The following LINGO1 variants were observed in gnomAD, a reference collection of about 807,000 sequenced individuals.
The protein encoded by LINGO1 is leucine rich repeat and Ig domain containing 1, also known as leucine-rich repeat and immunoglobulin-like domain-containing nogo receptor-interacting protein 1.
Under a neutral mutation model 37.3 loss-of-function variants are expected in LINGO1, and 11 were observed. The ratio of observed to expected loss-of-function variants is 0.29; its 90% CI spans 0.19 to 0.49. The LOEUF is 0.49. Among genes scored for constraint, LINGO1 ranks in the 20% least tolerant of loss-of-function variants. The pLI, the probability that LINGO1 is intolerant of heterozygous loss-of-function variation, is 0.99. For synonymous variants in LINGO1, 387 were observed against 403.0 expected (o/e 0.96, Z 0.48); for missense variants, 585 against 878.2 (o/e 0.67, Z 4.22).
At chr15:77,631,661 T>C (rs2074257686) in intron 1 of LINGO1, among the ~76,000 whole-genome samples, 1 of 152,140 alleles carries the variant, frequency 6.6e-6, no homozygotes, top group African/African-American at 2.4e-5. Flanking sequence ...GAATGAAAAG[T>C]GGGGCAAGAG....
chr15:77,723,627 G>C lies in LINGO1; in HGVS notation c.-195+11365C>G, dbSNP rs553653702. 3.9e-5 allele frequency among the ~76,000 whole-genome samples: 6 copies of C among 152,268 alleles called. No homozygotes were observed. The South Asian group carries it at 1.2e-3, about 32-fold the overall frequency. ...ACAAGTGAGTGCACAGCCAAGTCCT[G>C]GACCCGGGCCCCACCCTAGTCCAGG... On this transcript the variant is annotated intron_variant, in intron 2 of 3. Transcript: ENST00000561686.
intron 1 of LINGO1, among the ~76,000 whole-genome samples, chr15:77,748,607 G>A (rs1045570656): frequency 2.6e-5 from 4 of 152,326 alleles, no homozygotes; most frequent in African/African-American, 4.8e-5. Flanking sequence ...GGAGGAAGGC[G>A]GGCCCCTGCC....
At chr15:77,708,632 C>T (rs1189927300) in intron 2 of LINGO1, among the ~76,000 whole-genome samples, 5 of 152,294 alleles carry the variant, frequency 3.3e-5, no homozygotes, top group South Asian at 2.1e-4. Flanking sequence ...TGGCCGGGCG[C>T]GGTGGCTCAT....
rs550360393 is a variant in LINGO1, at chr15:77,644,104, C to T, written c.-12-28204G>A. Reference sequence around the variant, plus strand: ...AATCTAGCTGGGGCAGCGGCATCTGCTTTGCGAATGTATCTACGCTGGGGA... The same window carrying T: ...AATCTAGCTGGGGCAGCGGCATCTGTTTTGCGAATGTATCTACGCTGGGGA... On this transcript the variant is annotated intron_variant, in intron 3 of 3. Coordinates refer to the LINGO1 transcript ENST00000559893. Among the ~76,000 whole-genome samples the T allele has an allele frequency of 2.2e-4, 33 of 152,356 alleles. 1 individual carries two copies. Among genetic ancestry groups the T allele is most frequent in the African/African-American group, 7.9e-4 (33 of 41,576 alleles).
At chr15:77,765,278 G>A (rs1314512514) in intron 1 of LINGO1, among the ~76,000 whole-genome samples, 1 of 152,058 alleles carries the variant, frequency 6.6e-6, no homozygotes, top group Non-Finnish European at 1.5e-5. Context: ...AGCCAGCTGC[G>A]GCGGTGCACA....
intron 1 of LINGO1, among the ~76,000 whole-genome samples, chr15:77,781,522 A>G (rs2076716638): frequency 6.6e-6 from 1 of 152,266 alleles, no homozygotes; most frequent in South Asian, 2.1e-4. Context: ...GGATTTCAGA[A>G]GCAGGCCAAG....
intron 1 of LINGO1, among the ~76,000 whole-genome samples, chr15:77,618,455 AG>A (rs2073803535): frequency 6.6e-6 from 1 of 151,590 alleles, no homozygotes; most frequent in South Asian, 2.1e-4. Flanking sequence ...TCCACCCCAA[AG>A]GCCACCTCCT....
At position 77,613,899 on chromosome 15, in the gene LINGO1, G is replaced by T; in HGVS notation, c.*145C>A. 1 of 721,428 alleles carries T rather than the reference G, an allele frequency of 1.4e-6. No individual in the cohort carries two copies. The highest frequency in any genetic ancestry group is 2.2e-6 in the Non-Finnish European group (1 of 447,486). The allele number at this position is 721,428 out of a possible 1,614,324, so 44.7% of individuals were successfully genotyped here. A position where few individuals can be genotyped will look rare whatever the true frequency, so the allele number is the denominator to read the frequency against. Reference sequence around the variant, plus strand: ...GGCAGGTGGTGAGGGCTGGCGGGGGGCAGCAGGGGACGGAGGCGGGAGGGA... The same window carrying T: ...GGCAGGTGGTGAGGGCTGGCGGGGGTCAGCAGGGGACGGAGGCGGGAGGGA... On this transcript the variant is annotated 3_prime_UTR_variant, in exon 2 of 2. Coordinates refer to ENST00000355300, the MANE Select transcript of LINGO1 (RefSeq NM_032808.7).
chr15:77,661,522 C>T (rs545074376), intron 3 of LINGO1, among the ~76,000 whole-genome samples: 35 of 152,234 alleles, frequency 2.3e-4, no homozygotes, highest in Non-Finnish European at 3.7e-4. Flanking sequence ...ATGACAGTGC[C>T]TTGCCAGTTC....
intron 2 of LINGO1, among the ~76,000 whole-genome samples, chr15:77,681,147 C>T (rs541116900): frequency 6.6e-6 from 1 of 152,214 alleles, no homozygotes; most frequent in South Asian, 2.1e-4. Flanking sequence ...CTGCTCCATT[C>T]TTTGCCTCGA....
rs142643685 is a variant in LINGO1 at position 77,815,394 on chromosome 15, G to A, written c.-458+4864C>T. 6.0e-3 allele frequency among the ~76,000 whole-genome samples: 859 copies of A among 143,744 alleles called. 7 individuals carry two copies. The highest frequency in any genetic ancestry group is 0.021 in the African/African-American group (805 of 39,104). 94.3% of individuals were successfully genotyped at this position (143,744 alleles called of 152,430 possible). A position where few individuals can be genotyped will look rare whatever the true frequency, so the allele number is the denominator to read the frequency against. ...GTGACCTTGTGCTAGCCACTGCCCC[G>A]CTCTAGGCCTCAAGCTCTTCCTCTA... On this transcript the variant is annotated intron_variant, in intron 1 of 5. Transcript: ENST00000562933.
rs931274723 is a variant in LINGO1 at position 77,770,297 on chromosome 15, G to A, written c.-257+16572C>T. On this transcript the variant is annotated intron_variant, in intron 1 of 3. Transcript: ENST00000561686. ...TGGATTGTTGCTACCACTTAAAGAT[G>A]TGGCAACTGGCTGGGCGCGGTGGCT... Among the ~76,000 whole-genome samples the A allele has an allele frequency of 3.3e-5, 5 of 152,162 alleles. No homozygotes were observed. In the East Asian group the frequency reaches 9.6e-4, roughly 29 times the overall value.
upstream of LINGO1, among the ~76,000 whole-genome samples, chr15:77,789,737 A>G (rs977897295): frequency 6.6e-6 from 1 of 152,026 alleles, no homozygotes; most frequent in African/African-American, 2.4e-5. Flanking sequence ...CATCCTTCAC[A>G]GCCTTTGGAG....
intron 2 of LINGO1, among the ~76,000 whole-genome samples, chr15:77,724,668 G>C (rs2076084792): frequency 6.6e-6 from 1 of 152,196 alleles, no homozygotes; most frequent in Non-Finnish European, 1.5e-5. Flanking sequence ...GAATGGATGA[G>C]GGGGAGGCAC....
chr15:77,782,948 C>T (rs1479136192), intron 1 of LINGO1, among the ~76,000 whole-genome samples: 4 of 152,098 alleles, frequency 2.6e-5, no homozygotes, highest in Admixed American at 6.5e-5. Flanking sequence ...CTGTTTCCCA[C>T]CCCTGTCCCC....
intron 2 of LINGO1, among the ~76,000 whole-genome samples, chr15:77,706,548 AC>A (rs1320941455): frequency 2.0e-5 from 3 of 151,040 alleles, no homozygotes; most frequent in Non-Finnish European, 4.4e-5. Context: ...TCTTCCTGTT[AC>A]CCCACAAGTT....
At chr15:77,811,325 G>C (rs989051488) in intron 1 of LINGO1, among the ~76,000 whole-genome samples, 1 of 152,234 alleles carries the variant, frequency 6.6e-6, no homozygotes, top group Admixed American at 6.5e-5. Flanking sequence ...AAACAAGAGA[G>C]ATAATTAACC....
chr15:77,681,639 C>A (rs931392097), intron 2 of LINGO1, among the ~76,000 whole-genome samples: 2 of 152,108 alleles, frequency 1.3e-5, no homozygotes, highest in African/African-American at 4.8e-5. Flanking sequence ...GGCTTTAGTT[C>A]ACTGTCTGCC....
intron 1 of LINGO1, among the ~76,000 whole-genome samples, chr15:77,818,277 C>A (rs533171790): frequency 3.3e-5 from 5 of 152,226 alleles, no homozygotes; most frequent in Admixed American, 3.3e-4. Flanking sequence ...GGGGTTCTCT[C>A]CCTCTCAGAG....
Sources: gnomAD v4.1 joint callset for allele counts (sites outside exome capture counted in the v4.1 genomes callset) on GRCh38, gnomAD v4.1.1 for gene constraint, MANE v1.5 for transcripts, NCBI Gene and HGNC (gene_info 2026-07-23, HGNC 2026-07-21) for gene names.